The following SPAG16 variants were observed in gnomAD, a reference collection of about 807,000 sequenced individuals.
SPAG16 encodes sperm associated antigen 16, also known as sperm-associated antigen 16 protein.
In SPAG16, 86 loss-of-function variants were observed where a neutral mutation model predicts 80.4. The observed-to-expected ratio is 1.07, with a 90% CI of 0.90 to 1.28. The LOEUF (loss-of-function observed/expected upper bound fraction) is 1.28. Ranked by LOEUF, SPAG16 falls within the 50% of genes most tolerant of loss-of-function variation. The pLI, the probability that SPAG16 is intolerant of heterozygous loss-of-function variation, is 0.00. For missense variants in SPAG16, 870 were observed against 765.3 expected (o/e 1.14, Z -1.61); for synonymous variants, 294 against 265.9 (o/e 1.11, Z -1.03).
chr2:214,108,945 C>A (rs1318778675), intron 14 of SPAG16, among the ~76,000 whole-genome samples: 5 of 152,116 alleles, frequency 3.3e-5, no homozygotes, highest in African/African-American at 1.2e-4. Context: ...CAAACTTAAT[C>A]CCCAATGCAA....
rs17766267 is a variant in SPAG16 at position 214,240,827 on chromosome 2, C to T, written c.1720+91561C>T. ...AAGAAAAATACATCCACAGTACATA[C>T]ATAATTAAATGTAAATGTATGCTGA... On this transcript the variant is annotated intron_variant, in intron 15 of 15. Transcript: ENST00000331683. 5.3e-5 allele frequency: 8 copies of T among 152,122 alleles called. No homozygotes were observed. The South Asian group carries it at 1.5e-3, about 28-fold the overall frequency. The allele number at this position is 152,122 out of a possible 1,614,324, so 9.4% of individuals were successfully genotyped here. A position where few individuals can be genotyped will look rare whatever the true frequency, so the allele number is the denominator to read the frequency against.
chr2:213,849,208 T>C (rs775304442), intron 10 of SPAG16, among the ~76,000 whole-genome samples: 1 of 151,312 alleles, frequency 6.6e-6, no homozygotes, highest in African/African-American at 2.4e-5. Flanking sequence ...CGAGAAAGAG[T>C]GGGGAGGTAC....
intron 13 of SPAG16, among the ~76,000 whole-genome samples, chr2:214,056,500 C>G (rs1271598825): frequency 6.8e-6 from 1 of 147,018 alleles, no homozygotes; most frequent in Non-Finnish European, 1.5e-5. Context: ...AAAAAATGAG[C>G]ATTCCTTAAT....
At chr2:213,374,828 T>C (rs1308845490) in intron 8 of SPAG16, among the ~76,000 whole-genome samples, 182 bp from the exon 9 acceptor site, 1 of 152,108 alleles carries the variant, frequency 6.6e-6, no homozygotes, top group African/African-American at 2.4e-5. Context: ...CATCTCTGCA[T>C]TTTTGGGAAC....
At chr2:214,197,882 A>G (rs2057891155) in intron 15 of SPAG16, among the ~76,000 whole-genome samples, 1 of 151,820 alleles carries the variant, frequency 6.6e-6, no homozygotes, top group Non-Finnish European at 1.5e-5. Context: ...TATGAAATAA[A>G]TATTATCATA....
rs541595413 is a variant in SPAG16, at chr2:213,407,692, AAG to A, written c.942+32587_942+32588del. Among the ~76,000 whole-genome samples the A allele has an allele frequency of 2.8e-3, 385 of 139,510 alleles. 1 individual carries two copies. Among genetic ancestry groups the A allele is most frequent in the African/African-American group, 9.6e-3 (355 of 36,910 alleles). The allele number at this position is 139,510 out of a possible 152,430, so 91.5% of individuals were successfully genotyped here. The stretch of plus-strand genomic sequence containing the variant: ...AGAGAGACAGAGAGGAGAGAGACAG[AAG>A]AGAGAGAGAGAGACAGAGGAAAGAG... On this transcript the variant is annotated intron_variant, in intron 9 of 15. Coordinates refer to ENST00000331683, the MANE Select transcript of SPAG16 (RefSeq NM_024532.5).
chr2:213,651,602 A>G (rs998124994), intron 10 of SPAG16, among the ~76,000 whole-genome samples: 2 of 152,140 alleles, frequency 1.3e-5, no homozygotes, highest in African/African-American at 2.4e-5. Flanking sequence ...TTCCAAACAT[A>G]AGAAACCATA....
intron 15 of SPAG16, among the ~76,000 whole-genome samples, chr2:214,185,590 A>C (rs1033739371): frequency 2.0e-5 from 3 of 152,160 alleles, no homozygotes; most frequent in Admixed American, 6.6e-5. Context: ...AAACAGTTAC[A>C]TAAATGTATT....
intron 10 of SPAG16, among the ~76,000 whole-genome samples, chr2:213,703,700 T>A (rs551605390): frequency 6.6e-6 from 1 of 152,166 alleles, no homozygotes; most frequent in South Asian, 2.1e-4. Flanking sequence ...TGAGCGGAGG[T>A]CATGCTCTCC....
chr2:213,804,974 GA>G (rs1219231701), intron 10 of SPAG16, among the ~76,000 whole-genome samples: 1 of 152,192 alleles, frequency 6.6e-6, no homozygotes, highest in African/African-American at 2.4e-5. Flanking sequence ...AACATAATGA[GA>G]ATGGCTTATT....
In SPAG16 at chr2:213,560,649, G is replaced by A. The variant is rs186780590; in HGVS notation, c.1070+70559G>A. On this transcript the variant is annotated intron_variant, in intron 10 of 15. Coordinates refer to ENST00000331683, the MANE Select transcript of SPAG16 (RefSeq NM_024532.5). ...CTGGTGATATAAGTTGTATGTTTTC[G>A]TATTTCTTAATATGTCACCTCTAAG... is the stretch of plus-strand genomic sequence containing the variant. Among the ~76,000 whole-genome samples the A allele has an allele frequency of 3.8e-3, 577 of 152,068 alleles. 2 individuals carry two copies. Among genetic ancestry groups the A allele is most frequent in the Non-Finnish European group, 6.2e-3 (422 of 67,960 alleles).
chr2:213,925,416 A>G (rs918082291), intron 11 of SPAG16, among the ~76,000 whole-genome samples: 1 of 151,274 alleles, frequency 6.6e-6, no homozygotes, highest in African/African-American at 2.4e-5. Flanking sequence ...CAGTGTCACA[A>G]TCTTGGCTCA....
chr2:213,561,961 TTC>T (rs2059610717), intron 10 of SPAG16, among the ~76,000 whole-genome samples: 1 of 152,146 alleles, frequency 6.6e-6, no homozygotes, highest in South Asian at 2.1e-4. Context: ...CAGCCAATTA[TTC>T]TGTCTTGAAA....
chr2:214,330,811 G>T (rs1482159597), intron 15 of SPAG16, among the ~76,000 whole-genome samples: 1 of 152,158 alleles, frequency 6.6e-6, no homozygotes, highest in Non-Finnish European at 1.5e-5. Context: ...GAATGTTGTG[G>T]TGCCAAATGA....
At chr2:213,537,094 T>C (rs898347954) in intron 10 of SPAG16, among the ~76,000 whole-genome samples, 3 of 142,588 alleles carry the variant, frequency 2.1e-5, no homozygotes, top group African/African-American at 7.9e-5. Context: ...TTCTCACTCA[T>C]AGGTGGGAAC....
intron 10 of SPAG16, among the ~76,000 whole-genome samples, chr2:213,514,574 G>A (rs552351415): frequency 2.0e-5 from 3 of 150,442 alleles, no homozygotes; most frequent in East Asian, 2.0e-4. Context: ...CCACTAACTC[G>A]TCATCTAGCA....
intron 10 of SPAG16, among the ~76,000 whole-genome samples, chr2:213,764,959 C>T (rs1375173136): frequency 6.6e-6 from 1 of 152,188 alleles, no homozygotes; most frequent in African/African-American, 2.4e-5. Flanking sequence ...AAGCAAGAGT[C>T]AGTGCTCTTC....
chr2:214,395,624 C>G (rs1701321477), intron 15 of SPAG16, among the ~76,000 whole-genome samples: 1 of 152,044 alleles, frequency 6.6e-6, no homozygotes, highest in South Asian at 2.1e-4. Flanking sequence ...AGTTCATCAC[C>G]CAGGTAATAA....
At chr2:213,919,087 C>A (rs977290801) in intron 11 of SPAG16, among the ~76,000 whole-genome samples, 1 of 151,926 alleles carries the variant, frequency 6.6e-6, no homozygotes, top group African/African-American at 2.4e-5. Flanking sequence ...TTCAAATAAC[C>A]ATTGATTATT....
Sources: gnomAD v4.1 joint callset for allele counts (sites outside exome capture counted in the v4.1 genomes callset) on GRCh38, gnomAD v4.1.1 for gene constraint, MANE v1.5 for transcripts, NCBI Gene and HGNC (gene_info 2026-07-23, HGNC 2026-07-21) for gene names.